EYS: variants seen among roughly 807,000 people sequenced by gnomAD.
The protein encoded by EYS is protein eyes shut homolog.
A neutral mutation model predicts 282.1 loss-of-function variants in EYS; 250 were observed. That is an observed-to-expected ratio of 0.89 (90% CI 0.80 to 0.98). EYS has a LOEUF of 0.98. EYS is among the 50% of genes least tolerant of loss of function. EYS has a pLI of 0.00. For missense variants in EYS, 4,016 were observed against 3,709.0 expected (o/e 1.08, Z -2.15); for synonymous variants, 1,355 against 1,282.9 (o/e 1.06, Z -1.20).
At chr6:65,406,249 CTA>C (rs1199667502) in intron 5 of EYS, among the ~76,000 whole-genome samples, 1 of 152,026 alleles carries the variant, frequency 6.6e-6, no homozygotes, top group Non-Finnish European at 1.5e-5. Flanking sequence ...AATCTATTAA[CTA>C]TTTTTAAATT....
At chr6:65,213,557 T>C (rs1366190200) in intron 12 of EYS, among the ~76,000 whole-genome samples, 2 of 152,176 alleles carry the variant, frequency 1.3e-5, no homozygotes, top group Non-Finnish European at 2.9e-5. Context: ...TATTATTTTA[T>C]CTGTTATGAT....
At chr6:64,546,375 G>A (rs1166274266) in intron 26 of EYS, among the ~76,000 whole-genome samples, 6 of 152,032 alleles carry the variant, frequency 3.9e-5, no homozygotes, top group Non-Finnish European at 7.4e-5. Flanking sequence ...ATTAATTCAC[G>A]TGGATTAAAG....
intron 12 of EYS, among the ~76,000 whole-genome samples, chr6:65,095,239 G>A (rs1774705573): frequency 1.3e-5 from 2 of 151,170 alleles, no homozygotes; most frequent in South Asian, 2.1e-4. Flanking sequence ...CAGTAAAAGG[G>A]TGGTACCAGA....
At chr6:65,597,650 A>G (rs888135098) in intron 2 of EYS, among the ~76,000 whole-genome samples, 2 of 152,250 alleles carry the variant, frequency 1.3e-5, no homozygotes, top group East Asian at 3.9e-4. Flanking sequence ...GGAGGCTTCT[A>G]TAACAGCACA....
intron 13 of EYS, among the ~76,000 whole-genome samples, chr6:65,020,093 G>A (rs909533929): frequency 6.6e-6 from 1 of 152,048 alleles, no homozygotes; most frequent in Admixed American, 6.6e-5. Flanking sequence ...TTTGGGTGGG[G>A]AGACAGCCAA....
chr6:64,290,815 A>G (rs930061578), intron 30 of EYS, among the ~76,000 whole-genome samples: 2 of 151,526 alleles, frequency 1.3e-5, no homozygotes, highest in African/African-American at 4.9e-5. Flanking sequence ...GTTCTTACAC[A>G]AGATATTGAC....
chr6:65,408,362 G>A (rs1020119708), intron 5 of EYS, among the ~76,000 whole-genome samples: 1 of 151,990 alleles, frequency 6.6e-6, no homozygotes. Flanking sequence ...TCTTTTAAGA[G>A]ATTAGTGCCA....
At chr6:64,069,027 CAG>C (rs1283535113) in intron 32 of EYS, among the ~76,000 whole-genome samples, 5 of 151,940 alleles carry the variant, frequency 3.3e-5, no homozygotes, top group East Asian at 3.9e-4. Flanking sequence ...ACTACAGAAA[CAG>C]AGACTGGAGT....
At chr6:64,209,039 C>A (rs566624862) in intron 31 of EYS, among the ~76,000 whole-genome samples, 32 of 152,114 alleles carry the variant, frequency 2.1e-4, no homozygotes, top group African/African-American at 6.5e-4. Flanking sequence ...TTTGCATTGA[C>A]ATTTCAGCAT....
intron 26 of EYS, among the ~76,000 whole-genome samples, chr6:64,570,916 T>C (rs1765704916): frequency 6.6e-6 from 1 of 152,118 alleles, no homozygotes; most frequent in African/African-American, 2.4e-5. Context: ...AACTCAGCTC[T>C]GGACCAAGCA....
chr6:65,603,340 G>A (rs1765675418), intron 2 of EYS, among the ~76,000 whole-genome samples: 1 of 151,628 alleles, frequency 6.6e-6, no homozygotes, highest in South Asian at 2.1e-4. Flanking sequence ...CAGAGTAATG[G>A]ACCATGGACT....
At chr6:65,029,108 T>C (rs1191683186) in intron 13 of EYS, among the ~76,000 whole-genome samples, 1 of 152,124 alleles carries the variant, frequency 6.6e-6, no homozygotes, top group East Asian at 1.9e-4. Flanking sequence ...TATTCTCCTT[T>C]TTCTTTGAGT....
At chr6:64,305,279 A>G (rs530242772) in intron 30 of EYS, among the ~76,000 whole-genome samples, 4 of 152,326 alleles carry the variant, frequency 2.6e-5, no homozygotes, top group African/African-American at 9.6e-5. Context: ...AAATAAATGG[A>G]ATCACATCTC....
At chr6:64,774,668 T>G (rs1773626145) in intron 22 of EYS, among the ~76,000 whole-genome samples, 1 of 151,958 alleles carries the variant, frequency 6.6e-6, no homozygotes, top group African/African-American at 2.4e-5. Flanking sequence ...CCTGATAACA[T>G]GTGCCTGCTG....
At chr6:63,957,093 A>G (rs988037913) in intron 35 of EYS, among the ~76,000 whole-genome samples, 1 of 152,220 alleles carries the variant, frequency 6.6e-6, no homozygotes, top group African/African-American at 2.4e-5. Flanking sequence ...CATAGCCAAT[A>G]GCATTATAAC....
intron 22 of EYS, among the ~76,000 whole-genome samples, chr6:64,715,819 G>A (rs191950101): frequency 3.3e-4 from 50 of 152,262 alleles, no homozygotes; most frequent in Admixed American, 2.0e-3. Context: ...TGCCCCTGAC[G>A]TCACAGCTTG....
In EYS at chr6:65,129,442, T is replaced by C. The variant is rs575805955; in HGVS notation, c.2024-71715A>G. On this transcript the variant is annotated intron_variant, in intron 12 of 42. Coordinates refer to ENST00000503581, the MANE Select transcript of EYS (RefSeq NM_001142800.2). ...GCATTTAATGAAGGTCCAGAATCTA[T>C]AAGAAATTTGAAGAAAACAAAAGGC... 6.6e-5 allele frequency among the ~76,000 whole-genome samples: 10 copies of C among 151,684 alleles called. No individual in the cohort carries two copies. In the South Asian group the frequency reaches 1.5e-3, roughly 22 times the overall value.
At chr6:65,597,728 C>T (rs1459475738) in intron 2 of EYS, among the ~76,000 whole-genome samples, 1 of 151,756 alleles carries the variant, frequency 6.6e-6, no homozygotes, top group Non-Finnish European at 1.5e-5. Context: ...TCAACATTAT[C>T]CAAGACCTTA....
At chr6:65,322,665 C>T (rs971529456) in intron 11 of EYS, among the ~76,000 whole-genome samples, 5 of 151,818 alleles carry the variant, frequency 3.3e-5, no homozygotes, top group African/African-American at 4.8e-5. Context: ...CCTGGGGGCG[C>T]GCGCCTGTAG....
Sources: gnomAD v4.1 joint callset for allele counts (sites outside exome capture counted in the v4.1 genomes callset) on GRCh38, gnomAD v4.1.1 for gene constraint, MANE v1.5 for transcripts, NCBI Gene and HGNC (gene_info 2026-07-23, HGNC 2026-07-21) for gene names.